ZNF558: variants seen among roughly 807,000 people sequenced by gnomAD.
ZNF558 encodes the protein zinc finger protein 558.
Under a neutral mutation model 37.6 loss-of-function variants are expected in ZNF558, and 23 were observed. The observed-to-expected ratio is 0.61, with a 90% CI of 0.44 to 0.87. The LOEUF is 0.87. Among genes scored for constraint, ZNF558 ranks in the 40% least tolerant of loss-of-function variants. The pLI is 0.00. For synonymous variants in ZNF558, 189 were observed against 174.4 expected (o/e 1.08, Z -0.66); for missense variants, 429 against 483.7 (o/e 0.89, Z 1.06).
chr19:8,818,863 T>C (rs562975570), intron 7 of ZNF558, among the ~76,000 whole-genome samples: 11 of 152,264 alleles, frequency 7.2e-5, no homozygotes, highest in East Asian at 3.9e-4. Context: ...ATTGAGAGTA[T>C]GTAAATAAAC....
chr19:8,827,220 T>C (rs969751910), intron 2 of ZNF558, among the ~76,000 whole-genome samples: 1 of 152,234 alleles, frequency 6.6e-6, no homozygotes, highest in Non-Finnish European at 1.5e-5. Flanking sequence ...GGCCACTCTA[T>C]GTCAGCTGCC....
rs1260370785 is a variant in ZNF558 at position 8,810,272 on chromosome 19, A to G, written c.*1009T>C. 1.3e-5 allele frequency: 2 copies of G among 152,224 alleles called. No individual in the cohort carries two copies. Among genetic ancestry groups the G allele is most frequent in the Non-Finnish European group, 1.5e-5 (1 of 68,040 alleles). 9.4% of individuals were successfully genotyped at this position (152,224 alleles called of 1,614,324 possible). A position where few individuals can be genotyped will look rare whatever the true frequency, so the allele number is the denominator to read the frequency against. On this transcript the variant is annotated 3_prime_UTR_variant, in exon 10 of 10. Transcript: ENST00000601372. ...TCCCATAGTCACTGCAGAATACCAC[A>G]CTATAGTTTGCTCAGTAATGTGAAC...
At chr19:8,821,662 T>C in intron 6 of ZNF558, 3 of 1,309,364 alleles carry the variant, frequency 2.3e-6, no homozygotes, top group Non-Finnish European at 2.9e-6. Context: ...GCCCGTGACA[T>C]GGCAGAAAGC....
In ZNF558 at chr19:8,808,607, C is replaced by CA. The variant is rs1186404009; in HGVS notation, c.*2673dup. The stretch of plus-strand genomic sequence containing the variant: ...CATTAATGTTCATATACCCTATATC[C>CA]AAATATTAGAGAATATACATTGTTT... On this transcript the variant is annotated 3_prime_UTR_variant, in exon 10 of 10. Coordinates refer to ENST00000601372, the MANE Select transcript of ZNF558 (RefSeq NM_144693.3). 1 of 152,018 alleles carries CA rather than the reference C, an allele frequency of 6.6e-6. No individual in the cohort carries two copies. The highest frequency in any genetic ancestry group is 1.5e-5 in the Non-Finnish European group (1 of 68,002). 9.4% of individuals were successfully genotyped at this position (152,018 alleles called of 1,614,324 possible).
At chr19:8,820,754 G>C (rs2044064818) in intron 7 of ZNF558, among the ~76,000 whole-genome samples, 1 of 152,174 alleles carries the variant, frequency 6.6e-6, no homozygotes, top group Admixed American at 6.5e-5. Flanking sequence ...GGGATTACAG[G>C]TGTGAGCCAC....
rs149091563 is a variant in ZNF558 at position 8,821,231 on chromosome 19, T to C, written c.196A>G (p.Thr66Ala). The change falls in exon 7 of 10, where the codon ACA (threonine) becomes GCA (alanine). Residue 66 changes from threonine (T) to alanine (A), a missense_variant. By Grantham distance (58) the Thr-to-Ala change is moderately conservative. Coordinates refer to ENST00000601372, the MANE Select transcript of ZNF558 (RefSeq NM_144693.3). ...EWALLDPAQR[T>A]LYRDVMLENC... ...TCCAGCATCACATCCCTGTACAGTGTCCTTTGGGCAGGGTCCAGCAACGCC... is the reference window on the plus strand; with the variant it reads ...TCCAGCATCACATCCCTGTACAGTGCCCTTTGGGCAGGGTCCAGCAACGCC... 3.2e-5 allele frequency: 52 copies of C among 1,614,040 alleles called. No individual in the cohort carries two copies. Among genetic ancestry groups the C allele is most frequent in the Admixed American group, 3.2e-4 (19 of 59,994 alleles).
rs2043720180 is a variant in ZNF558, at chr19:8,808,340, C to T, written c.*2941G>A. 1 of 151,734 alleles carries T rather than the reference C, an allele frequency of 6.6e-6. No individual in the cohort carries two copies. Among genetic ancestry groups the T allele is most frequent in the Non-Finnish European group, 1.5e-5 (1 of 67,956 alleles). The allele number at this position is 151,734 out of a possible 1,614,324, so 9.4% of individuals were successfully genotyped here. A position where few individuals can be genotyped will look rare whatever the true frequency, so the allele number is the denominator to read the frequency against. ...ATAAATAAATAAATAAATGTTTGAC[C>T]ATTTATTATTAATGCATTACAATAC... On this transcript the variant is annotated 3_prime_UTR_variant, in exon 10 of 10. Transcript: ENST00000601372.
intron 7 of ZNF558, among the ~76,000 whole-genome samples, chr19:8,815,137 A>G (rs2043901493): frequency 6.6e-6 from 1 of 152,202 alleles, no homozygotes; most frequent in South Asian, 2.1e-4. Flanking sequence ...GCTGGTAGAA[A>G]TTGTCCCTTC....
At chr19:8,832,527 G>A (rs1320127970), upstream of ZNF558, 1 of 153,178 alleles carries the variant, frequency 6.5e-6, no homozygotes, top group African/African-American at 2.4e-5. Context: ...GCGGGGGTAA[G>A]GTTGGCCCTG....
chr19:8,814,819 C>T (rs542640316), intron 7 of ZNF558, among the ~76,000 whole-genome samples: 7 of 152,194 alleles, frequency 4.6e-5, no homozygotes, highest in Non-Finnish European at 5.9e-5. Context: ...GGTGGCCACA[C>T]ATGACAAATA....
At chr19:8,821,892 G>A in intron 6 of ZNF558, 111 bp downstream of exon 6, 2 of 1,535,418 alleles carry the variant, frequency 1.3e-6, no homozygotes, top group African/African-American at 2.7e-5. Context: ...TGGAAATCCT[G>A]GGATGCCTGA....
At chr19:8,818,860 G>A (rs2044008903) in intron 7 of ZNF558, among the ~76,000 whole-genome samples, 1 of 152,162 alleles carries the variant, frequency 6.6e-6, no homozygotes, top group African/African-American at 2.4e-5. Context: ...AGAATTGAGA[G>A]TATGTAAATA....
chr19:8,821,356 G>A (rs372146556), intron 6 of ZNF558, 50 bp from the exon 7 acceptor site: 63 of 1,613,942 alleles, frequency 3.9e-5, no homozygotes, highest in African/African-American at 5.3e-5. Context: ...CCCCACCAAC[G>A]TGCACAGGAA....
upstream of ZNF558, among the ~76,000 whole-genome samples, chr19:8,835,818 C>G (rs2044449455): frequency 6.6e-6 from 1 of 152,152 alleles, no homozygotes; most frequent in Non-Finnish European, 1.5e-5. Context: ...TGTGGTATAT[C>G]CACACAACGG....
upstream of ZNF558, among the ~76,000 whole-genome samples, chr19:8,836,735 C>G (rs1189171301): frequency 7.2e-5 from 11 of 152,194 alleles, no homozygotes; most frequent in Admixed American, 7.2e-4. Flanking sequence ...CAAGCAATCC[C>G]TTTGCCTTGG....
At chr19:8,837,300 G>A (rs905126567), upstream of ZNF558, among the ~76,000 whole-genome samples, 2 of 152,178 alleles carry the variant, frequency 1.3e-5, no homozygotes, top group African/African-American at 4.8e-5. Flanking sequence ...TATTTAATAT[G>A]ACAGAAGATT....
rs560002560 is a variant in ZNF558 at position 8,817,401 on chromosome 19, T to C, written c.247+3779A>G. ...TATATAATTTATAATTGTTGAGATA[T>C]TCAATACTTTATTTAAAATACACTG... On this transcript the variant is annotated intron_variant, in intron 7 of 9. Transcript: ENST00000601372. 2.0e-5 allele frequency among the ~76,000 whole-genome samples: 3 copies of C among 152,320 alleles called. No homozygotes were observed. The South Asian group carries it at 6.2e-4, about 32-fold the overall frequency.
In ZNF558 at chr19:8,821,300, C is replaced by G; in HGVS notation, c.127G>C (p.Val43Leu). 1 of 1,614,178 alleles carries G rather than the reference C, an allele frequency of 6.2e-7. No individual in the cohort carries two copies. The highest frequency in any genetic ancestry group is 8.5e-7 in the Non-Finnish European group (1 of 1,180,030). Reference sequence around the variant, plus strand: ...TCCACGGCCACATCCTCGAAGGTTACCAAGCCCTAAAGCATTGCAAACATC... The same window carrying G: ...TCCACGGCCACATCCTCGAAGGTTAGCAAGCCCTAAAGCATTGCAAACATC... ...ELLTSWLRGL[V>L]TFEDVAVEFT... is the part of the protein sequence containing the mutation. The change falls in exon 7 of 10, where the codon GTA becomes CTA. Residue 43 changes from valine to leucine, a missense_variant. Physicochemically the swap from Val to Leu is conservative, Grantham distance 32. Transcript: ENST00000601372.
At position 8,822,925 on chromosome 19, in the gene ZNF558, G is replaced by C. The variant is rs1490918389; in HGVS notation, c.-65-201C>G. The stretch of plus-strand genomic sequence containing the variant: ...TGCCTTCCTCTGTCCCCAACACAAC[G>C]ACCAGTACCTCCCTGACCCACCCGC... On this transcript the variant is annotated intron_variant, in intron 4 of 9. Coordinates refer to ENST00000601372, the MANE Select transcript of ZNF558 (RefSeq NM_144693.3). This position sits in a 1 kb window ranked among gnomAD's most constrained non-coding sequence, Gnocchi z 4.4. 3 of 547,434 alleles carry C rather than the reference G, an allele frequency of 5.5e-6. No individual in the cohort carries two copies. Among genetic ancestry groups the C allele is most frequent in the Non-Finnish European group, 9.9e-6 (3 of 303,318 alleles). The allele number at this position is 547,434 out of a possible 1,614,324, so 33.9% of individuals were successfully genotyped here.
Sources: allele counts gnomAD v4.1 joint callset (sites outside exome capture counted in the v4.1 genomes callset), GRCh38; gene constraint gnomAD v4.1.1; non-coding constraint Gnocchi (gnomAD v3.1); transcripts MANE v1.5; gene names NCBI Gene and HGNC (gene_info 2026-07-23, HGNC 2026-07-21).